Variants in AKNAD1 observed in about 807,000 individuals in gnomAD.
AKNAD1 encodes the protein protein AKNAD1.
Under a neutral mutation model 90.8 loss-of-function variants are expected in AKNAD1, and 67 were observed. The observed-to-expected ratio is 0.74, with a 90% CI of 0.61 to 0.90. AKNAD1 has a LOEUF of 0.90. Ranked by LOEUF, AKNAD1 falls within the 40% of genes least tolerant of loss-of-function variation. The probability of loss-of-function intolerance (pLI) is 0.00; values close to 1 mark genes in which losing one functional copy is unlikely to be tolerated. For synonymous variants in AKNAD1, 327 were observed against 341.4 expected (o/e 0.96, Z 0.46); for missense variants, 957 against 975.4 (o/e 0.98, Z 0.25).
chr1:108,824,489 T>C lies in AKNAD1; in HGVS notation c.1937-801A>G, dbSNP rs140867145. On this transcript the variant is annotated intron_variant, in intron 11 of 15. Coordinates refer to ENST00000370001, the MANE Select transcript of AKNAD1 (RefSeq NM_152763.5). ...TATTATACAATATATAGTAACTTCA[T>C]TGTATAATAACAAATCCATTTCATA... Among the ~76,000 whole-genome samples, 746 of 151,784 alleles carry C rather than the reference T, an allele frequency of 4.9e-3. 28 individuals are homozygous for C. The highest frequency in any genetic ancestry group is 0.017 in the Admixed American group (257 of 15,128).
chr1:108,820,040 T>C (rs192266578), intron 14 of AKNAD1, among the ~76,000 whole-genome samples: 40 of 151,866 alleles, frequency 2.6e-4, no homozygotes, highest in Admixed American at 1.5e-3. Flanking sequence ...CAACCTTTCC[T>C]CATCAGCCTC....
chr1:108,823,711 A>G (rs1424739456), intron 11 of AKNAD1, 23 bp from the exon 12 acceptor site: 14 of 1,613,840 alleles, frequency 8.7e-6, no homozygotes, highest in African/African-American at 1.3e-5. Context: ...AAGTTGCATG[A>G]ATGAAGGGTA....
Position 108,852,613 on chromosome 1 carries a change from G to A in AKNAD1, c.52C>T (p.Pro18Ser), listed in dbSNP as rs748738985. Reference protein sequence around the residue: ...EHTTYKQEDLPYDGDLSQIKI... With the variant: ...EHTTYKQEDLSYDGDLSQIKI... ...ATCTGAGAGAGGTCCCCATCATAAG[G>A]CAAATCCTCCTGCTTATAAGTCGTG... The change falls in exon 2 of 16, where the codon CCT becomes TCT. Residue 18 changes from proline (P) to serine (S), a missense_variant. Coordinates refer to ENST00000370001, the MANE Select transcript of AKNAD1 (RefSeq NM_152763.5). 3.7e-6 allele frequency: 6 copies of A among 1,608,064 alleles called. No individual in the cohort carries two copies.
chr1:108,824,313 A>G (rs377449615), intron 11 of AKNAD1, among the ~76,000 whole-genome samples: 4 of 152,318 alleles, frequency 2.6e-5, no homozygotes, highest in African/African-American at 7.2e-5. Flanking sequence ...TGAGCATGTC[A>G]GGACTGAATG....
intron 14 of AKNAD1, among the ~76,000 whole-genome samples, chr1:108,819,537 T>G (rs1205218752): frequency 3.3e-5 from 5 of 151,662 alleles, no homozygotes; most frequent in South Asian, 2.1e-4. Context: ...GGAGGATCAC[T>G]TGAGCCGAGG....
intron 14 of AKNAD1, among the ~76,000 whole-genome samples, chr1:108,817,830 A>G (rs1284642521): frequency 6.6e-6 from 1 of 151,964 alleles, no homozygotes; most frequent in Non-Finnish European, 1.5e-5. Context: ...TCTACCTTGC[A>G]TTTTTATAAA....
At chr1:108,839,389 C>T (rs1048436688) in intron 6 of AKNAD1, among the ~76,000 whole-genome samples, 1 of 148,070 alleles carries the variant, frequency 6.8e-6, no homozygotes, top group Non-Finnish European at 1.5e-5. Flanking sequence ...AGGAGAATGG[C>T]GTGAAGCCGG....
rs889504364 is a variant in AKNAD1 at position 108,853,136 on chromosome 1, C to CTTTTTTTTTT, written c.-103-379_-103-370dup. ...AAAGGATTGATTTTTTTTCTTTTTTCTTTTTTTTTTTTTGAGACGGAGTCT... is the reference window on the plus strand; with the variant it reads ...AAAGGATTGATTTTTTTTCTTTTTTCTTTTTTTTTTTTTTTTTTTTTTTGAGACGGAGTCT... On this transcript the variant is annotated intron_variant, in intron 1 of 15. Transcript: ENST00000370001. Among the ~76,000 whole-genome samples the CTTTTTTTTTT allele has an allele frequency of 1.3e-3, 173 of 133,520 alleles. 5 individuals are homozygous for CTTTTTTTTTT. Among genetic ancestry groups the CTTTTTTTTTT allele is most frequent in the Middle Eastern group, 4.0e-3 (1 of 248 alleles). The allele number at this position is 133,520 out of a possible 152,430, so 87.6% of individuals were successfully genotyped here. A position where few individuals can be genotyped will look rare whatever the true frequency, so the allele number is the denominator to read the frequency against.
intron 6 of AKNAD1, among the ~76,000 whole-genome samples, chr1:108,842,101 C>G (rs974521454): frequency 1.3e-5 from 2 of 151,990 alleles, no homozygotes; most frequent in African/African-American, 2.4e-5. Context: ...TCCTCTCCCC[C>G]CAAAAAAAGC....
Position 108,816,155 on chromosome 1 carries a change from G to T in AKNAD1, c.*16C>A. 1.9e-6 allele frequency: 3 copies of T among 1,566,132 alleles called. No individual in the cohort carries two copies. The highest frequency in any genetic ancestry group is 1.2e-5 in the South Asian group (1 of 81,658). Reference sequence around the variant, plus strand: ...TGCATTTTTTTCTTTTGAATCCTTGGTAGCCTAGCGTTGAACTAGTATTTC... The same window carrying T: ...TGCATTTTTTTCTTTTGAATCCTTGTTAGCCTAGCGTTGAACTAGTATTTC... On this transcript the variant is annotated 3_prime_UTR_variant, in exon 16 of 16. Transcript: ENST00000370001.
chr1:108,832,686 C>A (rs952827333), intron 9 of AKNAD1, among the ~76,000 whole-genome samples: 2 of 151,922 alleles, frequency 1.3e-5, no homozygotes, highest in Admixed American at 6.6e-5. Flanking sequence ...TTGTAAACAA[C>A]TTAAAATATC....
In AKNAD1 at chr1:108,827,580, T is replaced by C. The variant is rs376570317; in HGVS notation, c.1839-278A>G. Among the ~76,000 whole-genome samples the C allele has an allele frequency of 7.5e-3, 1,123 of 149,512 alleles. 11 individuals are homozygous for C. The highest frequency in any genetic ancestry group is 0.015 in the African/African-American group (624 of 40,828). On this transcript the variant is annotated intron_variant, in intron 10 of 15. Transcript: ENST00000370001. ...CTGTAATCCCAGCACTTTGGGAGGC[T>C]GAGGCGGGCGGATCACGAGGTCAGG...
chr1:108,834,304 C>CA, intron 9 of AKNAD1, 143 bp downstream of exon 9: 2 of 677,628 alleles, frequency 3.0e-6, no homozygotes, highest in Non-Finnish European at 5.0e-6. Flanking sequence ...CAGCCATCAC[C>CA]AGCACTGACA....
rs1444678185 is a variant in AKNAD1 at position 108,852,256 on chromosome 1, A to G, written c.409T>C (p.Ser137Pro). The G allele has an allele frequency of 6.2e-7, 1 of 1,613,948 alleles. No individual in the cohort carries two copies. Among genetic ancestry groups the G allele is most frequent in the Admixed American group, 1.7e-5 (1 of 59,992 alleles). Residue 137 changes from serine (S) to proline (P), a missense_variant, in exon 2 of 16, where the codon TCA becomes CCA. Transcript: ENST00000370001. ...TCCTCTTCAAAACTGTCGGCATTTGAGATCTCTGGGAGGGTTTCACAATCA... is the reference window on the plus strand; with the variant it reads ...TCCTCTTCAAAACTGTCGGCATTTGGGATCTCTGGGAGGGTTTCACAATCA... Reference protein sequence around the residue: ...GIDCETLPEISNADSFEEEAI... With the variant: ...GIDCETLPEIPNADSFEEEAI...
chr1:108,851,947 T>C lies in AKNAD1; in HGVS notation c.718A>G (p.Lys240Glu). 1 of 1,614,238 alleles carries C rather than the reference T, an allele frequency of 6.2e-7. No homozygotes were observed. The highest frequency in any genetic ancestry group is 8.5e-7 in the Non-Finnish European group (1 of 1,180,038). The change falls in exon 2 of 16, where the codon AAA becomes GAA. Residue 240 changes from lysine (K) to glutamate (E), a missense_variant. Physicochemically the swap from Lys to Glu is moderately conservative, Grantham distance 56. Transcript: ENST00000370001. ...TTGAACGTGTTGCCTGAATTTGCTT[T>C]TTCAGTCTGCTGTTTCTGGGGTGAC... is the stretch of plus-strand genomic sequence containing the variant. ...GQSPQKQQTE[K>E]ANSGNTFKYG...
intron 1 of AKNAD1, among the ~76,000 whole-genome samples, chr1:108,853,411 G>C (rs1212998317): frequency 6.6e-6 from 1 of 151,264 alleles, no homozygotes; most frequent in Non-Finnish European, 1.5e-5. Context: ...GATTACAGGC[G>C]TGAGCCACCG....
At position 108,817,079 on chromosome 1, in the gene AKNAD1, T is replaced by A; in HGVS notation, c.2348A>T (p.Asp783Val). 1.2e-6 allele frequency: 2 copies of A among 1,614,144 alleles called. No individual in the cohort carries two copies. The highest frequency in any genetic ancestry group is 1.7e-6 in the Non-Finnish European group (2 of 1,180,004). Residue 783 changes from aspartate (D) to valine (V), a missense_variant, in exon 15 of 16, where the codon GAC becomes GTC. Transcript: ENST00000370001. ...TTTTATTTCTTCAGTGCTATCAAAG[T>A]CACATAAGGATTTGCTTCCAGAAAT... ...CRISGSKSLC[D>V]FDSTEEIKSE...
chr1:108,849,416 C>G, intron 3 of AKNAD1, 121 bp downstream of exon 3: 1 of 682,408 alleles, frequency 1.5e-6, no homozygotes, highest in Non-Finnish European at 2.6e-6. Flanking sequence ...GAGGTCAAGG[C>G]TGCAATGAAC....
chr1:108,826,718 C>T (rs76071396), intron 11 of AKNAD1, among the ~76,000 whole-genome samples: 2 of 144,096 alleles, frequency 1.4e-5, no homozygotes, highest in African/African-American at 2.6e-5. Context: ...GAAAGTGATT[C>T]TTTTTTTCTT....
Sources: allele counts gnomAD v4.1 joint callset (sites outside exome capture counted in the v4.1 genomes callset), GRCh38; gene constraint gnomAD v4.1.1; transcripts MANE v1.5; gene names NCBI Gene and HGNC (gene_info 2026-07-23, HGNC 2026-07-21).